The following OTOGL variants were observed in gnomAD, a reference collection of about 807,000 sequenced individuals.
OTOGL encodes otogelin-like protein.
Under a neutral mutation model 318.5 loss-of-function variants are expected in OTOGL, and 285 were observed. The ratio of observed to expected loss-of-function variants is 0.89; its 90% CI spans 0.81 to 0.99. OTOGL has a LOEUF of 0.99. OTOGL is among the 50% of genes least tolerant of loss of function. OTOGL has a pLI of 0.00. For missense variants in OTOGL, 2,899 were observed against 2,845.6 expected (o/e 1.02, Z -0.43); for synonymous variants, 987 against 936.5 (o/e 1.05, Z -0.99).
intron 26 of OTOGL, among the ~76,000 whole-genome samples, chr12:80,284,131 T>C (rs947863396): frequency 1.2e-4 from 18 of 152,252 alleles, no homozygotes; most frequent in African/African-American, 4.3e-4. Flanking sequence ...ATGTGGTGTT[T>C]GGTTTTCTGT....
chr12:80,178,809 C>T (rs547382253), intron 1 of OTOGL, among the ~76,000 whole-genome samples: 1 of 152,266 alleles, frequency 6.6e-6, no homozygotes, highest in Admixed American at 6.5e-5. Context: ...CTTTATAAAT[C>T]GTTCTTTTAT....
chr12:80,174,801 T>C (rs540247380), intron 1 of OTOGL, among the ~76,000 whole-genome samples: 1 of 152,280 alleles, frequency 6.6e-6, no homozygotes, highest in Non-Finnish European at 1.5e-5. Flanking sequence ...TTAATGCATG[T>C]AGATTAGAAT....
intron 55 of OTOGL, 96 bp downstream of exon 55, chr12:80,368,405 T>G: frequency 2.8e-6 from 2 of 721,002 alleles, no homozygotes; most frequent in Non-Finnish European, 4.7e-6. Context: ...CACACTGCAC[T>G]GCATACAATA....
intron 31 of OTOGL, 126 bp downstream of exon 31, chr12:80,313,758 T>A: frequency 1.3e-6 from 1 of 741,056 alleles, no homozygotes. Context: ...AATGACTAAA[T>A]TTTATATTCC....
intron 38 of OTOGL, among the ~76,000 whole-genome samples, chr12:80,334,597 A>G (rs533264663): frequency 6.6e-6 from 1 of 152,288 alleles, no homozygotes; most frequent in South Asian, 2.1e-4. Flanking sequence ...GATGACAGAC[A>G]TGCAAATAAT....
chr12:80,179,436 A>C (rs1039537893), intron 1 of OTOGL, among the ~76,000 whole-genome samples: 3 of 152,174 alleles, frequency 2.0e-5, no homozygotes, highest in African/African-American at 7.2e-5. Context: ...AACTTCTTAA[A>C]TACCTTTTAA....
At chr12:80,174,114 T>G (rs11114345) in intron 1 of OTOGL, among the ~76,000 whole-genome samples, 36,454 of 152,118 alleles carry the variant, frequency 0.24, 6,255 homozygotes, top group African/African-American at 0.49. Flanking sequence ...GGCAATTGTT[T>G]AAACCATGCT....
intron 1 of OTOGL, among the ~76,000 whole-genome samples, chr12:80,125,247 AG>A (rs1251608576): frequency 3.3e-5 from 5 of 152,200 alleles, no homozygotes; most frequent in African/African-American, 7.2e-5. Context: ...TTTAGCATGA[AG>A]GGTTGTTGAA....
intron 1 of OTOGL, among the ~76,000 whole-genome samples, chr12:80,115,704 C>G (rs1287961924): frequency 1.3e-5 from 2 of 152,178 alleles, no homozygotes; most frequent in East Asian, 3.9e-4. Flanking sequence ...TATGTATAAA[C>G]CCCTGACTGG....
chr12:80,324,859 G>C (rs1286937867), intron 35 of OTOGL, among the ~76,000 whole-genome samples: 1 of 152,120 alleles, frequency 6.6e-6, no homozygotes, highest in Non-Finnish European at 1.5e-5. Flanking sequence ...CAAATGATTT[G>C]ATCTAATAGA....
chr12:80,263,529 AAAC>A (rs1882711585), intron 19 of OTOGL, among the ~76,000 whole-genome samples: 18 of 152,114 alleles, frequency 1.2e-4, no homozygotes, highest in Admixed American at 1.2e-3. Flanking sequence ...CTGGATATAT[AAAC>A]TATTTATATT....
Position 80,222,180 on chromosome 12 carries a change from C to A in OTOGL, c.424C>A (p.Pro142Thr). ...ETFDGIYYYF[P>T]GNCSYIFAKD... ...ATTCGATGGCATCTACTATTACTTC[C>A]CAGGAAACTGTTCTTACATTTTTGC... The change falls in exon 7 of 59, where the codon CCA becomes ACA. Residue 142 changes from proline to threonine, a missense_variant. Pro to Thr is a conservative substitution (Grantham distance 38). Around this residue, in one of 3 missense-constraint regions of OTOGL, gnomAD observed 2,607 missense variants for 2,524.9 expected, o/e 1.03. Transcript: ENST00000547103. 6.3e-7 allele frequency: 1 copy of A among 1,597,902 alleles called. No individual in the cohort carries two copies. Among genetic ancestry groups the A allele is most frequent in the Non-Finnish European group, 8.5e-7 (1 of 1,178,504 alleles).
chr12:80,220,767 G>A (rs904511456), intron 6 of OTOGL, among the ~76,000 whole-genome samples: 1 of 151,850 alleles, frequency 6.6e-6, no homozygotes, highest in African/African-American at 2.4e-5. Context: ...ATAGAAACAT[G>A]TTCCTGTCCT....
intron 11 of OTOGL, among the ~76,000 whole-genome samples, chr12:80,241,162 A>G (rs1044019599): frequency 1.5e-4 from 23 of 152,142 alleles, no homozygotes. Flanking sequence ...TGTGTTGTTT[A>G]TAACTACTCC....
intron 1 of OTOGL, among the ~76,000 whole-genome samples, chr12:80,159,323 G>A (rs114094931): frequency 0.025 from 3,785 of 152,164 alleles, 157 homozygotes; most frequent in African/African-American, 0.087. Context: ...TGCTGGTTTA[G>A]ATATTAGAGT....
At chr12:80,129,031 C>T (rs947720643) in intron 1 of OTOGL, among the ~76,000 whole-genome samples, 16 of 152,308 alleles carry the variant, frequency 1.1e-4, no homozygotes, top group South Asian at 6.2e-4. Context: ...ACGCTCGGTG[C>T]ACTGCACCCA....
intron 1 of OTOGL, among the ~76,000 whole-genome samples, chr12:80,203,858 G>T (rs1876628503): frequency 6.6e-6 from 1 of 152,132 alleles, no homozygotes; most frequent in African/African-American, 2.4e-5. Context: ...GAGAAAATAT[G>T]AGATGCCGTG....
Position 80,278,999 on chromosome 12 carries a change from GAAAGGTAACTTT to G in OTOGL, c.2790-28_2790-17del. The G allele has an allele frequency of 5.0e-6, 5 of 997,490 alleles. No individual in the cohort carries two copies. Among genetic ancestry groups the G allele is most frequent in the Non-Finnish European group, 4.4e-6 (3 of 681,450 alleles). The allele number at this position is 997,490 out of a possible 1,614,324, so 61.8% of individuals were successfully genotyped here. The stretch of plus-strand genomic sequence containing the variant: ...ATCACTAGTTAGAGTCGTTTCTTTA[GAAAGGTAACTTT>G]TGTTATTTTTTAATAGCGTTTGTCG... On this transcript the variant is annotated splice_polypyrimidine_tract_variant and intron_variant, in intron 25 of 58. Transcript: ENST00000547103.
At chr12:80,123,888 TG>T (rs1446081304) in intron 1 of OTOGL, among the ~76,000 whole-genome samples, 4 of 152,228 alleles carry the variant, frequency 2.6e-5, no homozygotes, top group Admixed American at 1.3e-4. Context: ...TGGGGTTGTT[TG>T]TTTTTTTCTT....
Sources: gnomAD v4.1 joint callset for allele counts (sites outside exome capture counted in the v4.1 genomes callset) on GRCh38, gnomAD v4.1.1 for gene constraint, gnomAD v4.1.1 regional missense constraint, MANE v1.5 for transcripts, NCBI Gene and HGNC (gene_info 2026-07-23, HGNC 2026-07-21) for gene names.